NBL1: variants seen among roughly 807,000 people sequenced by gnomAD.
NBL1 encodes the protein neuroblastoma suppressor of tumorigenicity 1.
Under a neutral mutation model 16.0 loss-of-function variants are expected in NBL1, and 9 were observed. That is an observed-to-expected ratio of 0.56 (90% confidence interval 0.34 to 0.98). The LOEUF is 0.98. NBL1 is among the 50% of genes least tolerant of loss of function. NBL1 has a pLI of 0.02. For missense variants in NBL1, 196 were observed against 243.1 expected (o/e 0.81, Z 1.29); for synonymous variants, 86 against 100.7 (o/e 0.85, Z 0.87).
chr1:19,643,332 T>C (rs2094959554), upstream of NBL1: 1 of 1,613,866 alleles, frequency 6.2e-7, no homozygotes, highest in East Asian at 2.2e-5. The surrounding 1 kb of genome is among the most constrained non-coding windows in gnomAD (Gnocchi z 4.7). Context: ...ACCTCATGAG[T>C]CAGACAAGCA....
chr1:19,655,880 C>T (rs2095053618), intron 3 of NBL1, among the ~76,000 whole-genome samples: 1 of 152,202 alleles, frequency 6.6e-6, no homozygotes, highest in African/African-American at 2.4e-5. Flanking sequence ...ACCCCAGGGC[C>T]CTTGCACCTG....
chr1:19,655,247 A>C, intron 2 of NBL1, 47 bp downstream of exon 2: 4 of 1,608,738 alleles, frequency 2.5e-6, no homozygotes, highest in Non-Finnish European at 1.7e-6. Context: ...GGGTCCAAGG[A>C]GGGAGGAAGA....
At chr1:19,649,547 C>T (rs1283905737) in intron 1 of NBL1, among the ~76,000 whole-genome samples, 6 of 151,252 alleles carry the variant, frequency 4.0e-5, no homozygotes, top group East Asian at 3.9e-4. Context: ...TTAGTAGAGA[C>T]GGGGTTTCGC....
Position 19,653,793 on chromosome 1 carries a change from G to C in NBL1, c.-19-1219G>C, listed in dbSNP as rs541446673. On this transcript the variant is annotated intron_variant, in intron 1 of 3. Coordinates refer to ENST00000375136, the MANE Select transcript of NBL1 (RefSeq NM_005380.8). ...TCCCTCTCCCGTGCTTTTTGCACTG[G>C]GGGGCATGGGTGAAACTTACCTGGG... 2.6e-5 allele frequency among the ~76,000 whole-genome samples: 4 copies of C among 152,354 alleles called. No homozygotes were observed. In the South Asian group the frequency reaches 8.3e-4, roughly 32 times the overall value.
intron 1 of NBL1, among the ~76,000 whole-genome samples, chr1:19,653,474 C>T (rs1444831137): frequency 1.3e-5 from 2 of 152,136 alleles, no homozygotes; most frequent in Non-Finnish European, 2.9e-5. Flanking sequence ...TAGGGACTGT[C>T]CCAAGGTAAA....
rs752424046 is a variant in NBL1 at position 19,647,866 on chromosome 1, CGTGT to C, written c.-20+3434_-20+3437del. Among the ~76,000 whole-genome samples the C allele has an allele frequency of 1.8e-4, 18 of 97,832 alleles. No individual in the cohort carries two copies. The South Asian group carries it at 3.2e-3, about 17-fold the overall frequency. 64.2% of individuals were successfully genotyped at this position (97,832 alleles called of 152,430 possible). ...GAAAGGCCTGGTGTGTGTGTGTGTG[CGTGT>C]GTGTGTGTGTGTGCGTGTGCGCGCG... is the stretch of plus-strand genomic sequence containing the variant. On this transcript the variant is annotated intron_variant, in intron 1 of 3. Transcript: ENST00000375136.
chr1:19,655,826 C>G (rs1258615911), intron 3 of NBL1, among the ~76,000 whole-genome samples: 3 of 152,218 alleles, frequency 2.0e-5, no homozygotes, highest in Non-Finnish European at 4.4e-5. Flanking sequence ...ACGCTTAACA[C>G]AGCCACCTTC....
Position 19,657,118 on chromosome 1 carries a change from G to GCCTCAGTC in NBL1, c.536_537insCTCAGTCC (p.Glu180SerfsTer33). 1 of 1,437,548 alleles carries GCCTCAGTC rather than the reference G, an allele frequency of 7.0e-7. No homozygotes were observed. Among genetic ancestry groups the GCCTCAGTC allele is most frequent in the Non-Finnish European group, 9.3e-7 (1 of 1,070,820 alleles). The allele number at this position is 1,437,548 out of a possible 1,614,324, so 89.0% of individuals were successfully genotyped here. ...GGCCCCCCACACAGAGGAAGAGGGG[G>GCCTCAGTC]CTGAGGACTGAGGCCCCCCCAACTC... On this transcript the variant is annotated frameshift_variant, in exon 4 of 4. Coordinates refer to ENST00000375136, the MANE Select transcript of NBL1 (RefSeq NM_005380.8). LOFTEE classifies it high-confidence loss of function.
intron 1 of NBL1, among the ~76,000 whole-genome samples, chr1:19,648,086 C>T (rs2094995248): frequency 6.6e-6 from 1 of 151,882 alleles, no homozygotes; most frequent in African/African-American, 2.4e-5. Flanking sequence ...CCTTGAGTGA[C>T]CTTGAATATT....
chr1:19,644,138 G>A, upstream of NBL1: 1 of 979,376 alleles, frequency 1.0e-6, no homozygotes, highest in Non-Finnish European at 1.2e-6. This position sits in a 1 kb window ranked among gnomAD's most constrained non-coding sequence, Gnocchi z 4.6. Context: ...AGAGGGCCCG[G>A]GGCCCCTGCC....
chr1:19,643,856 C>T, upstream of NBL1: 1 of 991,476 alleles, frequency 1.0e-6, no homozygotes, highest in Non-Finnish European at 1.2e-6. This position sits in a 1 kb window ranked among gnomAD's most constrained non-coding sequence, Gnocchi z 4.7. Flanking sequence ...GCTGGGGCGC[C>T]CCACTCTCGG....
intron 1 of NBL1, chr1:19,645,911 G>A (rs1423517134): frequency 6.5e-7 from 1 of 1,549,620 alleles, no homozygotes; most frequent in Admixed American, 2.0e-5. Flanking sequence ...GAGCGGGCAG[G>A]GTTGTTGGTG....
At chr1:19,649,136 T>A (rs191534769) in intron 1 of NBL1, among the ~76,000 whole-genome samples, 2 of 152,136 alleles carry the variant, frequency 1.3e-5, no homozygotes, top group Admixed American at 1.3e-4. Flanking sequence ...TAGCTGGGGG[T>A]TAACCTGCTA....
chr1:19,645,538 C>A (rs558644005), intron 1 of NBL1: 9 of 1,025,506 alleles, frequency 8.8e-6, no homozygotes, highest in Non-Finnish European at 1.1e-5. Flanking sequence ...GAGGTCAGGG[C>A]TGGAGGCCAA....
chr1:19,645,387 C>G lies in NBL1; in HGVS notation c.-20+941C>G, dbSNP rs183942930. ...GATTCTGATCGTTTACAAGCGGCGG[C>G]AAAGGGGGCAGCCGCCTGCCTTGGC... On this transcript the variant is annotated intron_variant, in intron 1 of 3. Transcript: ENST00000375136. 128 of 986,406 alleles carry G rather than the reference C, an allele frequency of 1.3e-4. 1 individual carries two copies. In the East Asian group the frequency reaches 0.012, roughly 93 times the overall value. The allele number at this position is 986,406 out of a possible 1,614,324, so 61.1% of individuals were successfully genotyped here.
chr1:19,648,237 T>C (rs1319754382), intron 1 of NBL1, among the ~76,000 whole-genome samples: 1 of 152,124 alleles, frequency 6.6e-6, no homozygotes, highest in African/African-American at 2.4e-5. Context: ...CCTGTGTATT[T>C]AGGGTGCATT....
At chr1:19,654,270 C>T (rs1385205096) in intron 1 of NBL1, among the ~76,000 whole-genome samples, 1 of 152,056 alleles carries the variant, frequency 6.6e-6, no homozygotes. Flanking sequence ...GGTGTGGTGG[C>T]GGACGCCTGT....
At chr1:19,654,749 A>T (rs778883725) in intron 1 of NBL1, among the ~76,000 whole-genome samples, 1 of 152,102 alleles carries the variant, frequency 6.6e-6, no homozygotes, top group Non-Finnish European at 1.5e-5. Context: ...AAACCAACCA[A>T]CACATATGGA....
At chr1:19,644,148 C>T, upstream of NBL1, 7 of 979,870 alleles carry the variant, frequency 7.1e-6, no homozygotes, top group South Asian at 4.7e-5. This position sits in a 1 kb window ranked among gnomAD's most constrained non-coding sequence, Gnocchi z 4.6. Context: ...GGGCCCCTGC[C>T]GCCGCGGCGC....
Sources: gnomAD v4.1 joint callset for allele counts (sites outside exome capture counted in the v4.1 genomes callset) on GRCh38, gnomAD v4.1.1 for gene constraint, Gnocchi (gnomAD v3.1) non-coding constraint, MANE v1.5 for transcripts, NCBI Gene and HGNC (gene_info 2026-07-23, HGNC 2026-07-21) for gene names.